DLG2: variants seen among roughly 807,000 people sequenced by gnomAD.
DLG2 encodes the protein discs large MAGUK scaffold protein 2, also known as disks large homolog 2.
DLG2 carries 45 observed loss-of-function variants against 132.5 expected under a neutral mutation model. The observed-to-expected ratio is 0.34, with a 90% confidence interval of 0.27 to 0.44. The LOEUF is 0.44. DLG2 is among the 20% of genes least tolerant of loss of function. The probability of loss-of-function intolerance (pLI) is 1.00; values close to 1 mark genes in which losing one functional copy is unlikely to be tolerated. For synonymous variants in DLG2, 424 were observed against 419.6 expected, an observed-to-expected ratio of 1.01 and a Z score of -0.13; for missense variants, 1,045 against 1,196.9, an observed-to-expected ratio of 0.87 and a Z score of 1.87.
At chr11:85,389,368 G>A (rs570919588) in intron 3 of DLG2, among the ~76,000 whole-genome samples, 34 of 152,240 alleles carry the variant, frequency 2.2e-4, no homozygotes, top group African/African-American at 4.8e-4. Context: ...TATGTGAAAC[G>A]ACCAAACCTA....
chr11:85,611,297 C>T (rs547754043), intron 2 of DLG2, among the ~76,000 whole-genome samples: 2 of 152,336 alleles, frequency 1.3e-5, no homozygotes, highest in South Asian at 4.1e-4. Flanking sequence ...AAATGGCATA[C>T]TAGGTGCCAA....
At chr11:85,112,051 C>T (rs572727769) in intron 5 of DLG2, among the ~76,000 whole-genome samples, 6 of 152,166 alleles carry the variant, frequency 3.9e-5, no homozygotes, top group Admixed American at 3.9e-4. Context: ...CTGTTCTCTT[C>T]CAGGCTCCTA....
intron 4 of DLG2, 59 bp downstream of exon 4, chr11:85,285,161 T>G: frequency 6.8e-7 from 1 of 1,467,032 alleles, no homozygotes; most frequent in Non-Finnish European, 9.3e-7. Context: ...CTACCATTAC[T>G]TCTTTAGTGG....
At chr11:85,471,385 T>C (rs965372141) in intron 3 of DLG2, among the ~76,000 whole-genome samples, 1 of 151,772 alleles carries the variant, frequency 6.6e-6, no homozygotes, top group Non-Finnish European at 1.5e-5. Flanking sequence ...ACCTATCAAA[T>C]GGAAGGATGA....
intron 6 of DLG2, among the ~76,000 whole-genome samples, chr11:85,038,817 C>T (rs756222654): frequency 7.2e-5 from 11 of 152,096 alleles, no homozygotes; most frequent in Non-Finnish European, 1.3e-4. Flanking sequence ...TTAAATTAGA[C>T]ACCACATATG....
At chr11:83,701,375 G>C (rs2082911705) in intron 18 of DLG2, among the ~76,000 whole-genome samples, 1 of 152,230 alleles carries the variant, frequency 6.6e-6, no homozygotes, top group African/African-American at 2.4e-5. Context: ...ACCTTTCTTA[G>C]AACAGTGTCT....
chr11:85,236,732 G>A (rs1265893587), intron 4 of DLG2, among the ~76,000 whole-genome samples: 5 of 151,920 alleles, frequency 3.3e-5, no homozygotes, highest in Non-Finnish European at 7.4e-5. Flanking sequence ...TGCATATACT[G>A]TGTGCATATA....
intron 9 of DLG2, among the ~76,000 whole-genome samples, chr11:84,145,191 A>G (rs975418903): frequency 2.6e-5 from 4 of 152,184 alleles, no homozygotes; most frequent in Admixed American, 6.5e-5. Flanking sequence ...TCCATTGCAG[A>G]TTTTGTCTAA....
intron 7 of DLG2, among the ~76,000 whole-genome samples, chr11:84,409,913 C>T (rs765776630): frequency 6.6e-6 from 1 of 152,180 alleles, no homozygotes; most frequent in East Asian, 1.9e-4. Flanking sequence ...AGCTTCTAAT[C>T]TCTCCCTTCT....
At chr11:84,273,673 A>C (rs1321736400) in intron 7 of DLG2, among the ~76,000 whole-genome samples, 3 of 152,154 alleles carry the variant, frequency 2.0e-5, no homozygotes, top group African/African-American at 7.2e-5. Flanking sequence ...GAAAAGTAGT[A>C]ACATTGAAGG....
At chr11:83,789,486 T>A (rs1416549749) in intron 17 of DLG2, among the ~76,000 whole-genome samples, 1 of 152,024 alleles carries the variant, frequency 6.6e-6, no homozygotes, top group African/African-American at 2.4e-5. Flanking sequence ...CTTCCCTTTT[T>A]AAATAACCAA....
At chr11:84,670,747 T>G (rs966811315) in intron 6 of DLG2, among the ~76,000 whole-genome samples, 1 of 152,128 alleles carries the variant, frequency 6.6e-6, no homozygotes, top group African/African-American at 2.4e-5. Flanking sequence ...GATTTGAACT[T>G]AGTCCTGTCT....
intron 10 of DLG2, among the ~76,000 whole-genome samples, chr11:84,067,291 G>A (rs578245100): frequency 8.9e-4 from 135 of 151,966 alleles, no homozygotes; most frequent in Non-Finnish European, 1.6e-3. Flanking sequence ...CCAAGACCGC[G>A]CCACTGCACT....
At chr11:84,507,715 G>A (rs1378294929) in intron 7 of DLG2, among the ~76,000 whole-genome samples, 2 of 152,144 alleles carry the variant, frequency 1.3e-5, no homozygotes, top group Non-Finnish European at 2.9e-5. Context: ...TTTTTTCTAT[G>A]TCTATTGAGA....
chr11:84,465,924 T>A (rs1293172939), intron 7 of DLG2, among the ~76,000 whole-genome samples: 2 of 151,194 alleles, frequency 1.3e-5, no homozygotes, highest in African/African-American at 4.8e-5. Flanking sequence ...AGCTTTTGAC[T>A]CTTCACTTTT....
At chr11:84,005,008 TC>T (rs1371506011) in intron 11 of DLG2, among the ~76,000 whole-genome samples, 10 of 124,904 alleles carry the variant, frequency 8.0e-5, no homozygotes, top group African/African-American at 3.1e-4. Context: ...CGAACAAAAA[TC>T]CCCCCAACCA....
At chr11:85,237,407 T>C (rs2075644292) in intron 4 of DLG2, among the ~76,000 whole-genome samples, 1 of 152,038 alleles carries the variant, frequency 6.6e-6, no homozygotes, top group South Asian at 2.1e-4. Flanking sequence ...TTATAAAATT[T>C]TCTTATATTC....
intron 8 of DLG2, among the ~76,000 whole-genome samples, chr11:84,176,068 C>T: frequency 6.6e-6 from 1 of 151,960 alleles, no homozygotes; most frequent in East Asian, 1.9e-4. Context: ...ATTCTTATAA[C>T]AATCGTATAT....
At chr11:85,253,914 T>C (rs1177029394) in intron 4 of DLG2, among the ~76,000 whole-genome samples, 1 of 152,156 alleles carries the variant, frequency 6.6e-6, no homozygotes, top group Non-Finnish European at 1.5e-5. Flanking sequence ...ACGCCATCAA[T>C]CTGTCCCTCT....
Sources: gnomAD v4.1 joint callset for allele counts (sites outside exome capture counted in the v4.1 genomes callset) on GRCh38, gnomAD v4.1.1 for gene constraint, MANE v1.5 for transcripts, NCBI Gene and HGNC (gene_info 2026-07-23, HGNC 2026-07-21) for gene names.